Variants in ITPKB observed in about 807,000 individuals in gnomAD.
The protein encoded by ITPKB is IP3 3-kinase B.
A neutral mutation model predicts 69.4 loss-of-function variants in ITPKB; 13 were observed. The observed-to-expected ratio is 0.19, with a 90% CI of 0.12 to 0.30. ITPKB has a LOEUF of 0.30. Ranked by LOEUF, ITPKB falls within the 10% of genes least tolerant of loss-of-function variation. The pLI is 1.00. For synonymous variants in ITPKB, 584 were observed against 513.7 expected, an observed-to-expected ratio of 1.14 and a Z score of -1.85; for missense variants, 1,240 against 1,250.5, an observed-to-expected ratio of 0.99 and a Z score of 0.13.
At chr1:226,647,125 T>C in intron 4 of ITPKB, 42 bp downstream of exon 4, 4 of 1,572,602 alleles carry the variant, frequency 2.5e-6, no homozygotes, top group Non-Finnish European at 3.5e-6. Flanking sequence ...CCATGTGGCT[T>C]GCACTGAGGC....
chr1:226,650,687 G>A (rs933783648), intron 2 of ITPKB, among the ~76,000 whole-genome samples: 2 of 152,264 alleles, frequency 1.3e-5, no homozygotes, highest in African/African-American at 4.8e-5. Flanking sequence ...AGAGCTCAGA[G>A]AGGACAGGGG....
At chr1:226,639,503 A>G in intron 6 of ITPKB, 54 bp downstream of exon 6, 3 of 1,189,754 alleles carry the variant, frequency 2.5e-6, no homozygotes, top group Non-Finnish European at 3.8e-6. Context: ...GAGTAGACAC[A>G]GTTGTCCCTC....
At chr1:226,667,284 C>T (rs557380971) in intron 2 of ITPKB, among the ~76,000 whole-genome samples, 2 of 152,310 alleles carry the variant, frequency 1.3e-5, no homozygotes, top group African/African-American at 4.8e-5. Context: ...TGGCACACTG[C>T]TTTCCCAGAG....
At chr1:226,699,736 GAAAGAAAGAAAGAA>G (rs945161977) in intron 2 of ITPKB, among the ~76,000 whole-genome samples, 2 of 151,944 alleles carry the variant, frequency 1.3e-5, no homozygotes, top group African/African-American at 4.8e-5. Flanking sequence ...AAAAAAGAAA[GAAAGAAAGAAAGAA>G]AAAGAAAGAA....
At position 226,634,872 on chromosome 1, in the gene ITPKB, G is replaced by A; in HGVS notation, c.2640C>T (p.Ser880=). The change falls in exon 8 of 8, where the codon TCC becomes TCT. Residue 880 remains serine (S), a synonymous_variant. Coordinates refer to ENST00000429204, the MANE Select transcript of ITPKB (RefSeq NM_002221.4). This position sits in a 1 kb window ranked among gnomAD's most constrained non-coding sequence, Gnocchi z 6.3. ...FFKCHEVIGS[S]LLFIHDKKEQ... ...CCTTCTTGTCGTGGATGAAGAGGAG[G>A]GAGCTGCCAATGACCTGAGGAGAAC... 6.2e-7 allele frequency: 1 copy of A among 1,613,566 alleles called. No individual in the cohort carries two copies. The highest frequency in any genetic ancestry group is 8.5e-7 in the Non-Finnish European group (1 of 1,179,726).
chr1:226,678,718 G>A (rs1305504063), intron 2 of ITPKB, among the ~76,000 whole-genome samples: 1 of 152,216 alleles, frequency 6.6e-6, no homozygotes, highest in Admixed American at 6.5e-5. Context: ...TATTCCAAAA[G>A]GAGCCAGGAC....
intron 2 of ITPKB, among the ~76,000 whole-genome samples, chr1:226,712,055 C>T (rs1376127458): frequency 2.6e-5 from 4 of 152,160 alleles, no homozygotes; most frequent in South Asian, 2.1e-4. Flanking sequence ...ATGTTCTCCC[C>T]GGTGGTGTAC....
intron 2 of ITPKB, among the ~76,000 whole-genome samples, chr1:226,731,490 C>T (rs959208992): frequency 6.6e-6 from 1 of 152,204 alleles, no homozygotes; most frequent in Non-Finnish European, 1.5e-5. Context: ...GAAGTCTTGT[C>T]GCATTTTCTG....
At position 226,722,740 on chromosome 1, in the gene ITPKB, C is replaced by T. The variant is rs1282356909; in HGVS notation, c.1932+12787G>A. Among the ~76,000 whole-genome samples the T allele has an allele frequency of 2.0e-5, 3 of 152,154 alleles. No homozygotes were observed. The East Asian group carries it at 5.8e-4, about 29-fold the overall frequency. On this transcript the variant is annotated intron_variant, in intron 2 of 7. Coordinates refer to ENST00000429204, the MANE Select transcript of ITPKB (RefSeq NM_002221.4). Reference sequence around the variant, plus strand: ...TGCAAAGGGCAGAAAGAAACTGGGGCTTGGGGAGGTGTTAGGGCAGGCTGA... The same window carrying T: ...TGCAAAGGGCAGAAAGAAACTGGGGTTTGGGGAGGTGTTAGGGCAGGCTGA...
intron 2 of ITPKB, among the ~76,000 whole-genome samples, chr1:226,662,304 G>C (rs577723671): frequency 6.6e-6 from 1 of 152,276 alleles, no homozygotes; most frequent in East Asian, 1.9e-4. Context: ...GTTTTCTGCA[G>C]AAAGTTCAAG....
chr1:226,719,694 G>A (rs549964954), intron 2 of ITPKB, among the ~76,000 whole-genome samples: 4 of 152,328 alleles, frequency 2.6e-5, no homozygotes, highest in African/African-American at 4.8e-5. Flanking sequence ...GGACTCATGC[G>A]CAGGCCGTGC....
At chr1:226,668,673 T>G (rs955440655) in intron 2 of ITPKB, among the ~76,000 whole-genome samples, 1 of 152,242 alleles carries the variant, frequency 6.6e-6, no homozygotes, top group African/African-American at 2.4e-5. Flanking sequence ...TGTTTAAGAT[T>G]TATCCTATTT....
intron 2 of ITPKB, chr1:226,656,531 TACCCC>T (rs1669292864): frequency 6.6e-6 from 1 of 152,270 alleles, no homozygotes; most frequent in African/African-American, 2.4e-5. Context: ...AGTCCCAGTG[TACCCC>T]AAGACAGCTG....
intron 4 of ITPKB, among the ~76,000 whole-genome samples, chr1:226,645,748 G>A (rs75977517): frequency 0.012 from 1,894 of 152,276 alleles, 51 homozygotes; most frequent in African/African-American, 0.044. Flanking sequence ...GGGCTGGCTG[G>A]GGGCATGTTC....
intron 2 of ITPKB, among the ~76,000 whole-genome samples, chr1:226,726,079 G>A (rs975497535): frequency 1.9e-4 from 29 of 152,158 alleles, no homozygotes; most frequent in African/African-American, 6.8e-4. Flanking sequence ...GTCCCCAAAT[G>A]ACTGTATACA....
chr1:226,735,718 C>T lies in ITPKB; in HGVS notation c.1741G>A (p.Ala581Thr), dbSNP rs765490286. 1.3e-6 allele frequency: 2 copies of T among 1,587,318 alleles called. No homozygotes were observed. The highest frequency in any genetic ancestry group is 2.3e-5 in the South Asian group (2 of 88,006). Residue 581 changes from alanine to threonine, a missense_variant, in exon 2 of 8, where the codon GCC becomes ACC. Ala to Thr is a moderately conservative substitution (Grantham distance 58). Around this residue, in one of 2 missense-constraint regions of ITPKB, gnomAD observed 992 missense variants for 853.8 expected, o/e 1.16. Transcript: ENST00000429204. Reference protein sequence around the residue: ...ITDMGTQEDGALEETQGSPRG... With the variant: ...ITDMGTQEDGTLEETQGSPRG... ...GGGCTTCCCTGCGTCTCCTCCAAGG[C>T]CCCATCCTCCTGGGTGCCCATGTCT...
chr1:226,720,756 T>C (rs1293232929), intron 2 of ITPKB, among the ~76,000 whole-genome samples: 2 of 152,140 alleles, frequency 1.3e-5, no homozygotes. Flanking sequence ...TCAAAAGAAA[T>C]ATTGGCCGGG....
chr1:226,658,876 G>A (rs558497783), intron 2 of ITPKB, among the ~76,000 whole-genome samples: 16 of 152,242 alleles, frequency 1.1e-4, no homozygotes, highest in African/African-American at 2.4e-4. Context: ...CCTGCAGACC[G>A]GGACCCCCTG....
intron 2 of ITPKB, among the ~76,000 whole-genome samples, chr1:226,706,261 TAAAAC>T (rs1047767157): frequency 4.6e-5 from 7 of 152,170 alleles, no homozygotes; most frequent in African/African-American, 1.7e-4. Context: ...TAATAAATGA[TAAAAC>T]AATAAATAAA....
Sources: allele counts gnomAD v4.1 joint callset (sites outside exome capture counted in the v4.1 genomes callset), GRCh38; gene constraint gnomAD v4.1.1; regional missense constraint gnomAD v4.1.1; non-coding constraint Gnocchi (gnomAD v3.1); transcripts MANE v1.5; gene names NCBI Gene and HGNC (gene_info 2026-07-23, HGNC 2026-07-21).